SHISA9: variants seen among roughly 807,000 people sequenced by gnomAD.
The protein encoded by SHISA9 is protein shisa-9.
Under a neutral mutation model 38.0 loss-of-function variants are expected in SHISA9, and 13 were observed. The ratio of observed to expected loss-of-function variants is 0.34; its 90% CI spans 0.22 to 0.54. The LOEUF (loss-of-function observed/expected upper bound fraction) is 0.54, where lower values mean the gene tolerates loss of function less well. SHISA9 is among the 20% of genes least tolerant of loss of function. The probability of loss-of-function intolerance (pLI) is 0.91; values close to 1 mark genes in which losing one functional copy is unlikely to be tolerated. For missense variants in SHISA9, 538 were observed against 575.8 expected (o/e 0.93, Z 0.67); for synonymous variants, 275 against 242.0 (o/e 1.14, Z -1.27).
intron 2 of SHISA9, among the ~76,000 whole-genome samples, chr16:12,970,404 C>CATATATGT (rs1567357052): frequency 0.021 from 243 of 11,710 alleles, 12 homozygotes; most frequent in African/African-American, 0.041. Context: ...TATATATATA[C>CATATATGT]ATATATATAT....
chr16:12,980,941 A>G (rs1346140761), intron 2 of SHISA9, among the ~76,000 whole-genome samples: 2 of 151,784 alleles, frequency 1.3e-5, no homozygotes, highest in Non-Finnish European at 2.9e-5. Flanking sequence ...TATGCTGTTA[A>G]TATCTTTCCT....
chr16:12,950,739 G>C (rs1047567433), intron 2 of SHISA9, among the ~76,000 whole-genome samples: 14 of 151,482 alleles, frequency 9.2e-5, no homozygotes, highest in Admixed American at 2.6e-4. Context: ...CTCCTGAGTA[G>C]CTGGGATTAT....
chr16:12,975,276 C>A (rs978624766), intron 2 of SHISA9, among the ~76,000 whole-genome samples: 1 of 151,780 alleles, frequency 6.6e-6, no homozygotes, highest in South Asian at 2.1e-4. Flanking sequence ...CAGTGGCTCA[C>A]GGTGAATCAC....
chr16:13,521,257 T>C, the SHISA9 span, among the ~76,000 whole-genome samples: 6 of 152,230 alleles, frequency 3.9e-5, no homozygotes, highest in Non-Finnish European at 5.9e-5. Flanking sequence ...TCTTCTTCCC[T>C]GCTCACCATG....
At chr16:13,186,471 T>C (rs776099751) in intron 2 of SHISA9, among the ~76,000 whole-genome samples, 8 of 151,746 alleles carry the variant, frequency 5.3e-5, no homozygotes, top group Non-Finnish European at 1.0e-4. Context: ...CTAATTTTTG[T>C]ATTTTTAGTA....
the SHISA9 span, among the ~76,000 whole-genome samples, chr16:13,500,218 T>C: frequency 3.3e-5 from 5 of 152,308 alleles, no homozygotes; most frequent in Non-Finnish European, 7.4e-5. Context: ...TGCTGCTCAC[T>C]TTTCTCTCTC....
At chr16:13,489,117 G>A in the SHISA9 span, among the ~76,000 whole-genome samples, 1 of 152,138 alleles carries the variant, frequency 6.6e-6, no homozygotes, top group South Asian at 2.1e-4. Context: ...CACTATCTCA[G>A]CTCACTACAA....
the SHISA9 span, among the ~76,000 whole-genome samples, chr16:13,444,417 GAGGA>G: frequency 0.47 from 66,122 of 140,190 alleles, 15,909 homozygotes; most frequent in African/African-American, 0.57. Context: ...GGGAGGGAGG[GAGGA>G]AGGAAGGAAG....
the SHISA9 span, among the ~76,000 whole-genome samples, chr16:13,547,087 C>T: frequency 3.3e-5 from 5 of 152,126 alleles, no homozygotes; most frequent in Admixed American, 2.6e-4. Flanking sequence ...GTTTTAATTT[C>T]TTCATAAAGC....
the SHISA9 span, among the ~76,000 whole-genome samples, chr16:13,555,349 A>G: frequency 9.2e-5 from 14 of 152,282 alleles, no homozygotes; most frequent in African/African-American, 3.4e-4. Flanking sequence ...GCGTTTTTTG[A>G]TAATGAATAA....
At chr16:13,522,039 A>G in the SHISA9 span, among the ~76,000 whole-genome samples, 3 of 152,302 alleles carry the variant, frequency 2.0e-5, no homozygotes, top group Non-Finnish European at 4.4e-5. Flanking sequence ...ACAGCAACGA[A>G]CTTGACAGGC....
intron 2 of SHISA9, among the ~76,000 whole-genome samples, chr16:13,120,299 C>T (rs1038035537): frequency 6.6e-6 from 1 of 152,152 alleles, no homozygotes; most frequent in African/African-American, 2.4e-5. Context: ...TTTTGGAGCA[C>T]TGGAGCCCTT....
At chr16:13,297,935 T>C in the SHISA9 span, among the ~76,000 whole-genome samples, 1 of 152,136 alleles carries the variant, frequency 6.6e-6, no homozygotes, top group African/African-American at 2.4e-5. Flanking sequence ...TTTGTATTTT[T>C]AGTAGAGACA....
chr16:13,133,557 A>T (rs2050323180), intron 2 of SHISA9, among the ~76,000 whole-genome samples: 1 of 152,098 alleles, frequency 6.6e-6, no homozygotes, highest in African/African-American at 2.4e-5. Flanking sequence ...TCTCAGGTTG[A>T]TGAGTGATGC....
At chr16:13,472,377 A>AGTTTTTTTTTTTTTT in the SHISA9 span, among the ~76,000 whole-genome samples, 1 of 55,416 alleles carries the variant, frequency 1.8e-5, no homozygotes. Flanking sequence ...GCTCTGCTAA[A>AGTTTTTTTTTTTTTT]TTTTTTTTTT....
At chr16:13,431,293 T>C in the SHISA9 span, among the ~76,000 whole-genome samples, 10 of 152,304 alleles carry the variant, frequency 6.6e-5, no homozygotes, top group African/African-American at 1.4e-4. Flanking sequence ...GACCCCATCA[T>C]CATGTCTTGG....
intron 1 of SHISA9, among the ~76,000 whole-genome samples, chr16:12,913,204 G>A (rs367889834): frequency 1.3e-5 from 2 of 151,872 alleles, no homozygotes; most frequent in African/African-American, 2.4e-5. Context: ...TTTTTTTGGC[G>A]GGGAGGAGGG....
chr16:12,952,082 C>G (rs945767485), intron 2 of SHISA9, among the ~76,000 whole-genome samples: 17 of 152,192 alleles, frequency 1.1e-4, no homozygotes, highest in African/African-American at 4.1e-4. Context: ...CACATTCCCC[C>G]AGCTTTTGCT....
the SHISA9 span, among the ~76,000 whole-genome samples, chr16:13,418,142 G>A: frequency 6.6e-6 from 1 of 151,974 alleles, no homozygotes; most frequent in Non-Finnish European, 1.5e-5. Flanking sequence ...AATATGACTT[G>A]TGTAGGCATC....
Sources: gnomAD v4.1 joint callset for allele counts (sites outside exome capture counted in the v4.1 genomes callset) on GRCh38, gnomAD v4.1.1 for gene constraint, MANE v1.5 for transcripts, NCBI Gene and HGNC (gene_info 2026-07-23, HGNC 2026-07-21) for gene names.